The following EIF3H variants were observed in gnomAD, a reference collection of about 807,000 sequenced individuals.
The protein encoded by EIF3H is eIF-3-gamma.
A neutral mutation model predicts 44.2 loss-of-function variants in EIF3H; 26 were observed. That is an observed-to-expected ratio of 0.59 (90% CI 0.43 to 0.82). The LOEUF (loss-of-function observed/expected upper bound fraction) is 0.82, where lower values mean the gene tolerates loss of function less well. Ranked by LOEUF, EIF3H falls within the 40% of genes least tolerant of loss-of-function variation. The pLI, the probability that EIF3H is intolerant of heterozygous loss-of-function variation, is 0.00. For missense variants in EIF3H, 359 were observed against 432.8 expected (o/e 0.83, Z 1.51); for synonymous variants, 166 against 151.9 (o/e 1.09, Z -0.68).
At chr8:116,689,107 C>T (rs1458164573) in intron 2 of EIF3H, 1 of 448,488 alleles carries the variant, frequency 2.2e-6, no homozygotes, top group Admixed American at 2.4e-5. Context: ...TAACAAGGAA[C>T]GAAGTTCTGA....
At chr8:116,726,682 A>G (rs189427127) in intron 1 of EIF3H, among the ~76,000 whole-genome samples, 9 of 152,320 alleles carry the variant, frequency 5.9e-5, no homozygotes, top group Non-Finnish European at 1.0e-4. Context: ...GGGAACACGT[A>G]CCCACACATA....
chr8:116,737,877 T>C (rs548694869), intron 1 of EIF3H, among the ~76,000 whole-genome samples: 22 of 150,678 alleles, frequency 1.5e-4, no homozygotes, highest in Admixed American at 4.0e-4. Context: ...TCTACTAACA[T>C]ACAAAAAAGT....
chr8:116,738,850 A>G (rs1210049533), intron 1 of EIF3H, among the ~76,000 whole-genome samples: 1 of 152,266 alleles, frequency 6.6e-6, no homozygotes, highest in Admixed American at 6.5e-5. Context: ...GAATTATTAA[A>G]ATGTTTTACC....
In EIF3H at chr8:116,719,875, G is replaced by T. The variant is rs80022242; in HGVS notation, c.289+6141C>A. On this transcript the variant is annotated intron_variant, in intron 2 of 7. Transcript: ENST00000521861. Reference sequence around the variant, plus strand: ...ACACAAAAAGCGGATTTCAGATACGGAATAATGACCTACACTCAACATCCT... The same window carrying T: ...ACACAAAAAGCGGATTTCAGATACGTAATAATGACCTACACTCAACATCCT... 3.9e-5 allele frequency among the ~76,000 whole-genome samples: 6 copies of T among 152,222 alleles called. No homozygotes were observed. In the East Asian group the frequency reaches 1.2e-3, roughly 29 times the overall value.
intron 2 of EIF3H, among the ~76,000 whole-genome samples, chr8:116,719,066 G>A (rs1048813505): frequency 1.3e-5 from 2 of 152,110 alleles, no homozygotes; most frequent in Admixed American, 1.3e-4. Flanking sequence ...CTAGAAATAC[G>A]TGAATAGTAC....
At chr8:116,711,726 A>G (rs1418541821) in intron 2 of EIF3H, among the ~76,000 whole-genome samples, 4 of 152,220 alleles carry the variant, frequency 2.6e-5, no homozygotes. Flanking sequence ...ACCCCAATAC[A>G]TTCTCCAGGT....
intron 2 of EIF3H, among the ~76,000 whole-genome samples, chr8:116,717,960 C>G (rs1376081451): frequency 1.3e-5 from 2 of 151,934 alleles, no homozygotes; most frequent in Non-Finnish European, 2.9e-5. Context: ...AACAGACAAC[C>G]CAGAGTGGGA....
intron 2 of EIF3H, among the ~76,000 whole-genome samples, chr8:116,678,254 C>T (rs932671501): frequency 2.0e-5 from 3 of 152,146 alleles, no homozygotes; most frequent in East Asian, 1.9e-4. Flanking sequence ...CTCGGCCTCC[C>T]GAGGTGCCGG....
chr8:116,702,951 C>T (rs999080116), intron 2 of EIF3H, among the ~76,000 whole-genome samples: 1 of 152,090 alleles, frequency 6.6e-6, no homozygotes, highest in Admixed American at 6.5e-5. Flanking sequence ...ATTAGATTCT[C>T]ATAAGGAATG....
chr8:116,661,587 T>C (rs1813587539), intron 2 of EIF3H, among the ~76,000 whole-genome samples: 1 of 152,218 alleles, frequency 6.6e-6, no homozygotes. Context: ...TCACTGGACA[T>C]ACTAATTATA....
At chr8:116,755,835 A>G, upstream of EIF3H, 1 of 1,607,780 alleles carries the variant, frequency 6.2e-7, no homozygotes, top group Non-Finnish European at 8.5e-7. Context: ...AACGTGAGTT[A>G]CCGGAAGCGG....
intron 1 of EIF3H, among the ~76,000 whole-genome samples, chr8:116,737,926 T>A (rs1815069500): frequency 6.6e-6 from 1 of 150,762 alleles, no homozygotes; most frequent in Non-Finnish European, 1.5e-5. Context: ...TCCCAGCTAC[T>A]CTGGAGGCTG....
At chr8:116,761,113 ATTTC>A (rs2131010834) in intron 1 of EIF3H, among the ~76,000 whole-genome samples, 1 of 152,300 alleles carries the variant, frequency 6.6e-6, no homozygotes, top group South Asian at 2.1e-4. Flanking sequence ...CACTGGTACT[ATTTC>A]TTAACTTTTT....
intron 2 of EIF3H, among the ~76,000 whole-genome samples, chr8:116,704,599 C>A (rs1814436244): frequency 6.6e-6 from 1 of 152,188 alleles, no homozygotes; most frequent in Non-Finnish European, 1.5e-5. Flanking sequence ...TTTTATTCCA[C>A]ATACAGAAGA....
chr8:116,685,194 T>C (rs928691740), intron 2 of EIF3H, among the ~76,000 whole-genome samples: 1 of 152,176 alleles, frequency 6.6e-6, no homozygotes, highest in African/African-American at 2.4e-5. Context: ...ATGTTTGATG[T>C]AAGAAACTAA....
chr8:116,746,809 C>G (rs998462018), intron 1 of EIF3H, among the ~76,000 whole-genome samples: 1 of 152,114 alleles, frequency 6.6e-6, no homozygotes, highest in African/African-American at 2.4e-5. Context: ...CGAATTTAAT[C>G]CTCACTCACA....
upstream of EIF3H, chr8:116,755,892 G>T: frequency 6.4e-7 from 1 of 1,567,526 alleles, no homozygotes; most frequent in Non-Finnish European, 8.6e-7. Flanking sequence ...CGTTCGAGGG[G>T]CGGAGACGGA....
At chr8:116,679,138 C>T (rs1172538070) in intron 2 of EIF3H, among the ~76,000 whole-genome samples, 3 of 72,238 alleles carry the variant, frequency 4.2e-5, no homozygotes, top group Admixed American at 1.0e-4. Flanking sequence ...GCCCCCTGCC[C>T]GGCCAGCCGC....
At chr8:116,670,607 G>A (rs886752008) in intron 2 of EIF3H, among the ~76,000 whole-genome samples, 3 of 152,162 alleles carry the variant, frequency 2.0e-5, no homozygotes, top group Admixed American at 2.0e-4. Context: ...GCCCTTACCC[G>A]CAAGGTGATA....
Sources: allele counts gnomAD v4.1 joint callset (sites outside exome capture counted in the v4.1 genomes callset), GRCh38; gene constraint gnomAD v4.1.1; transcripts MANE v1.5; gene names NCBI Gene and HGNC (gene_info 2026-07-23, HGNC 2026-07-21).